The following SHC2 variants were observed in gnomAD, a reference collection of about 807,000 sequenced individuals.
SHC2 encodes SHC adaptor protein 2, also known as SHC-transforming protein 2.
Under a neutral mutation model 60.6 loss-of-function variants are expected in SHC2, and 62 were observed. The observed-to-expected ratio is 1.02, with a 90% CI of 0.83 to 1.26. The LOEUF is 1.26. Among genes scored for constraint, SHC2 ranks in the 50% most tolerant of loss-of-function variants. The pLI is 0.00. For synonymous variants in SHC2, 375 were observed against 372.4 expected, an observed-to-expected ratio of 1.01 and a Z score of -0.08; for missense variants, 873 against 822.2, an observed-to-expected ratio of 1.06 and a Z score of -0.76.
chr19:429,092 C>T (rs573246812), intron 9 of SHC2, among the ~76,000 whole-genome samples: 4 of 146,514 alleles, frequency 2.7e-5, no homozygotes, highest in Non-Finnish European at 5.9e-5. Context: ...GTGGATGATG[C>T]GGTACCTATA....
At position 434,691 on chromosome 19, in the gene SHC2, C is replaced by G; in HGVS notation, c.1110+18G>C. The G allele has an allele frequency of 3.1e-6, 5 of 1,598,562 alleles. No homozygotes were observed. Among genetic ancestry groups the G allele is most frequent in the Non-Finnish European group, 4.3e-6 (5 of 1,174,024 alleles). Reference sequence around the variant, plus strand: ...CTGGGGCATCCCTGTCCCCATCCCCCCGAGGGCAGAGGCTGACCTGGTCGA... The same window carrying G: ...CTGGGGCATCCCTGTCCCCATCCCCGCGAGGGCAGAGGCTGACCTGGTCGA... On this transcript the variant is annotated intron_variant, in intron 8 of 12. Transcript: ENST00000264554.
At position 438,923 on chromosome 19, in the gene SHC2, C is replaced by A. The variant is rs1008068584; in HGVS notation, c.600+47G>T. On this transcript the variant is annotated intron_variant, in intron 3 of 12. Transcript: ENST00000264554. This position sits in a 1 kb window ranked among gnomAD's most constrained non-coding sequence, Gnocchi z 5.0. ...AGGATGGCCGCAGCGTCCCCACAGC[C>A]CCCGACTGCCCCACCAGCCCCACGA... 2 of 1,563,198 alleles carry A rather than the reference C, an allele frequency of 1.3e-6. No homozygotes were observed. The highest frequency in any genetic ancestry group is 4.7e-5 in the East Asian group (2 of 42,268).
rs1974397250 is a variant in SHC2, at chr19:425,591, T to A, written c.1175-360A>T. ...CTTCCCAGTGCGTGTATGTTCAGTCTCCACATTTAAAAATAATCACAGTAA... is the reference window on the plus strand; with the variant it reads ...CTTCCCAGTGCGTGTATGTTCAGTCACCACATTTAAAAATAATCACAGTAA... On this transcript the variant is annotated intron_variant, in intron 9 of 12. Coordinates refer to ENST00000264554, the MANE Select transcript of SHC2 (RefSeq NM_012435.3). This position sits in a 1 kb window ranked among gnomAD's most constrained non-coding sequence, Gnocchi z 4.1. Among the ~76,000 whole-genome samples, 1 of 152,184 alleles carries A rather than the reference T, an allele frequency of 6.6e-6. No individual in the cohort carries two copies. Among genetic ancestry groups the A allele is most frequent in the South Asian group, 2.1e-4 (1 of 4,830 alleles).
chr19:418,447 C>A (rs1259349339), intron 12 of SHC2, among the ~76,000 whole-genome samples: 1 of 152,350 alleles, frequency 6.6e-6, no homozygotes, highest in South Asian at 2.1e-4. Context: ...GGCCAAAAGG[C>A]GGAAGCAGCC....
At chr19:449,965 G>A (rs1975139074) in intron 1 of SHC2, among the ~76,000 whole-genome samples, 1 of 152,174 alleles carries the variant, frequency 6.6e-6, no homozygotes, top group South Asian at 2.1e-4. Flanking sequence ...ACTATTTAAA[G>A]GCAAATTTCT....
At position 425,152 on chromosome 19, in the gene SHC2, C is replaced by T; in HGVS notation, c.1254G>A (p.Gln418=). The change falls in exon 10 of 13, where the codon CAG becomes CAA. Residue 418 remains glutamine, a synonymous_variant. Coordinates refer to ENST00000264554, the MANE Select transcript of SHC2 (RefSeq NM_012435.3). The surrounding 1 kb of genome is among the most constrained non-coding windows in gnomAD (Gnocchi z 4.1). The part of the protein sequence containing the change: ...DHEEHLYVNT[Q]GLDAPEPEDS... ...CCTCCGGCTCGGGGGCGTCCAGACC[C>T]TGGGTGTTGACATACAGGTGCTCCT... The T allele has an allele frequency of 2.2e-6, 3 of 1,384,260 alleles. No individual in the cohort carries two copies. Among genetic ancestry groups the T allele is most frequent in the African/African-American group, 1.5e-5 (1 of 67,088 alleles). The allele number at this position is 1,384,260 out of a possible 1,614,324, so 85.7% of individuals were successfully genotyped here.
chr19:419,415 T>A, intron 11 of SHC2: 1 of 186,950 alleles, frequency 5.3e-6, no homozygotes, highest in Non-Finnish European at 1.1e-5. Flanking sequence ...GCATCCAGGA[T>A]GAGCCAGGGG....
intron 1 of SHC2, among the ~76,000 whole-genome samples, chr19:443,477 A>AATGG (rs570206693): frequency 1.2e-4 from 8 of 66,438 alleles, no homozygotes; most frequent in Non-Finnish European, 1.5e-4. Context: ...TGGGTGGATG[A>AATGG]ATGGATGGAT....
At chr19:448,093 G>T (rs1391645111) in intron 1 of SHC2, among the ~76,000 whole-genome samples, 1 of 152,218 alleles carries the variant, frequency 6.6e-6, no homozygotes, top group Non-Finnish European at 1.5e-5. Context: ...AGTGGCTCCC[G>T]GGGCGTGCAC....
At chr19:427,247 G>C (rs529370449) in intron 9 of SHC2, among the ~76,000 whole-genome samples, 1 of 152,242 alleles carries the variant, frequency 6.6e-6, no homozygotes, top group African/African-American at 2.4e-5. Flanking sequence ...GCCGCAGGCG[G>C]GGCTGGTGGG....
At chr19:429,711 A>C (rs1974520308) in intron 9 of SHC2, among the ~76,000 whole-genome samples, 2 of 140,018 alleles carry the variant, frequency 1.4e-5, no homozygotes, top group African/African-American at 2.7e-5. Context: ...ACGGAAACCT[A>C]ACACCGTGTG....
chr19:458,912 C>A (rs2145765653), intron 1 of SHC2, among the ~76,000 whole-genome samples: 1 of 152,132 alleles, frequency 6.6e-6, no homozygotes, highest in East Asian at 1.9e-4. Context: ...GCCTGGGGAC[C>A]ACACGTGGGG....
chr19:454,752 G>A (rs567076540), intron 1 of SHC2, among the ~76,000 whole-genome samples: 6 of 152,012 alleles, frequency 3.9e-5, no homozygotes, highest in South Asian at 2.1e-4. Flanking sequence ...ATCGCGCCAC[G>A]GCACTCCAGC....
chr19:429,208 T>G (rs113711881), intron 9 of SHC2, among the ~76,000 whole-genome samples: 6 of 142,796 alleles, frequency 4.2e-5, no homozygotes, highest in Admixed American at 7.2e-5. Context: ...ATATCCAACA[T>G]GCAGAGAAAC....
intron 1 of SHC2, among the ~76,000 whole-genome samples, chr19:456,916 C>T (rs1000565076): frequency 1.3e-4 from 19 of 146,710 alleles, no homozygotes; most frequent in Middle Eastern, 3.5e-3. Flanking sequence ...AAACCCACTG[C>T]GTGGGGCCTT....
intron 8 of SHC2, among the ~76,000 whole-genome samples, 182 bp downstream of exon 8, chr19:434,527 T>A (rs77415526): frequency 1.2e-3 from 1 of 842 alleles, no homozygotes; most frequent in African/African-American, 4.2e-3. Context: ...CCTGTGAGAT[T>A]GTGAGTGAGA....
In SHC2 at chr19:438,743, C is replaced by G. The variant is rs1363261489; in HGVS notation, c.695G>C (p.Ser232Thr). 1 of 1,567,740 alleles carries G rather than the reference C, an allele frequency of 6.4e-7. No homozygotes were observed. The highest frequency in any genetic ancestry group is 1.4e-5 in the African/African-American group (1 of 73,846). Residue 232 changes from serine (S) to threonine (T), a missense_variant, in exon 4 of 13, where the codon AGC becomes ACC. Physicochemically the swap from Ser to Thr is moderately conservative, Grantham distance 58 (BLOSUM62 1). Coordinates refer to ENST00000264554, the MANE Select transcript of SHC2 (RefSeq NM_012435.3). This position sits in a 1 kb window ranked among gnomAD's most constrained non-coding sequence, Gnocchi z 5.0. ...ISIHISTDGL[S>T]LSVPATRQVI... Reference sequence around the variant, plus strand: ...CTGGCGCGTGGCAGGCACGGAGAGGCTGAGGCCATCAGTGGAGATGTGGAT... The same window carrying G: ...CTGGCGCGTGGCAGGCACGGAGAGGGTGAGGCCATCAGTGGAGATGTGGAT...
At chr19:431,746 G>A (rs1974603510) in intron 8 of SHC2, among the ~76,000 whole-genome samples, 1 of 21,570 alleles carries the variant, frequency 4.6e-5, no homozygotes, top group Non-Finnish European at 7.1e-5. Context: ...GAGTGAGATC[G>A]TGAGTGAGAG....
intron 12 of SHC2, among the ~76,000 whole-genome samples, chr19:418,099 C>T (rs1198437196): frequency 6.6e-6 from 1 of 152,200 alleles, no homozygotes; most frequent in African/African-American, 2.4e-5. Context: ...TGTCCCTCCT[C>T]CGTCCACACC....
Sources: gnomAD v4.1 joint callset for allele counts (sites outside exome capture counted in the v4.1 genomes callset) on GRCh38, gnomAD v4.1.1 for gene constraint, Gnocchi (gnomAD v3.1) non-coding constraint, MANE v1.5 for transcripts, NCBI Gene and HGNC (gene_info 2026-07-23, HGNC 2026-07-21) for gene names.